CFAP54: variants seen among roughly 807,000 people sequenced by gnomAD.
CFAP54 encodes cilia- and flagella-associated protein 54.
A neutral mutation model predicts 370.4 loss-of-function variants in CFAP54; 290 were observed. The observed-to-expected ratio is 0.78, with a 90% CI of 0.71 to 0.86. The LOEUF is 0.86. Ranked by LOEUF, CFAP54 falls within the 40% of genes least tolerant of loss-of-function variation. The pLI is 0.00. For missense variants in CFAP54, 3,399 were observed against 3,528.7 expected (o/e 0.96, Z 0.93); for synonymous variants, 1,206 against 1,236.5 (o/e 0.98, Z 0.52).
At chr12:96,599,375 A>C (rs1362242430) in intron 26 of CFAP54, among the ~76,000 whole-genome samples, 1 of 152,164 alleles carries the variant, frequency 6.6e-6, no homozygotes, top group African/African-American at 2.4e-5. Context: ...TCCATGGTGT[A>C]TATGTGCCAC....
At chr12:96,638,619 T>C (rs1404870551) in intron 32 of CFAP54, among the ~76,000 whole-genome samples, 1 of 152,196 alleles carries the variant, frequency 6.6e-6, no homozygotes, top group African/African-American at 2.4e-5. Context: ...AATTTCTGCT[T>C]CTTGTGAATA....
At chr12:96,615,013 T>G (rs1190642207) in intron 26 of CFAP54, among the ~76,000 whole-genome samples, 1 of 152,130 alleles carries the variant, frequency 6.6e-6, no homozygotes, top group Non-Finnish European at 1.5e-5. Flanking sequence ...AAAAACTACT[T>G]TAAAGTTCAT....
At chr12:96,760,132 C>A (rs1277304547) in intron 58 of CFAP54, among the ~76,000 whole-genome samples, 1 of 152,060 alleles carries the variant, frequency 6.6e-6, no homozygotes, top group Non-Finnish European at 1.5e-5. Context: ...AGAAGTGGGG[C>A]AAAGTAGGGA....
intron 66 of CFAP54, among the ~76,000 whole-genome samples, chr12:96,840,627 T>TC (rs1959207348): frequency 1.7e-5 from 1 of 59,906 alleles, no homozygotes; most frequent in African/African-American, 4.5e-5. Flanking sequence ...TGTTTCTTTC[T>TC]TTTTTTTTTT....
At chr12:96,606,669 A>T (rs1956304400) in intron 26 of CFAP54, among the ~76,000 whole-genome samples, 4 of 152,186 alleles carry the variant, frequency 2.6e-5, no homozygotes, top group Admixed American at 2.6e-4. Context: ...AGATTATAGT[A>T]GCCTGAGCGG....
At chr12:96,729,584 G>A (rs11108656) in intron 50 of CFAP54, among the ~76,000 whole-genome samples, 14,328 of 152,166 alleles carry the variant, frequency 0.094, 1,208 homozygotes, top group East Asian at 0.44. Context: ...TCCAGGTGCC[G>A]TCTGTCACCC....
At chr12:96,726,629 C>G (rs1957842820) in intron 50 of CFAP54, among the ~76,000 whole-genome samples, 1 of 151,722 alleles carries the variant, frequency 6.6e-6, no homozygotes, top group African/African-American at 2.4e-5. Context: ...AAAACCAGCT[C>G]CTGGATTCAT....
intron 15 of CFAP54, among the ~76,000 whole-genome samples, chr12:96,551,718 T>A (rs1955697032): frequency 1.3e-5 from 2 of 152,158 alleles, no homozygotes; most frequent in South Asian, 4.1e-4. Context: ...AACCATCCTT[T>A]AAAAAAATAA....
At chr12:96,831,497 T>C (rs1054830596) in intron 66 of CFAP54, among the ~76,000 whole-genome samples, 2 of 152,220 alleles carry the variant, frequency 1.3e-5, no homozygotes, top group African/African-American at 2.4e-5. Flanking sequence ...TGGCAGAGAC[T>C]GTATGGCCTA....
intron 4 of CFAP54, among the ~76,000 whole-genome samples, chr12:96,508,402 C>T (rs557842377): frequency 4.6e-5 from 7 of 151,512 alleles, no homozygotes; most frequent in Non-Finnish European, 1.0e-4. Context: ...TCTCCTGCCT[C>T]AGCCTCCCGA....
At chr12:96,516,341 T>A (rs1955235552) in intron 5 of CFAP54, among the ~76,000 whole-genome samples, 1 of 152,176 alleles carries the variant, frequency 6.6e-6, no homozygotes, top group African/African-American at 2.4e-5. Context: ...ATTAGAATAA[T>A]GCATGTCTGT....
At chr12:96,612,417 C>G (rs1956368308) in intron 26 of CFAP54, among the ~76,000 whole-genome samples, 1 of 152,152 alleles carries the variant, frequency 6.6e-6, no homozygotes, top group African/African-American at 2.4e-5. Flanking sequence ...ACAACCAGTA[C>G]CAGCCACTGC....
chr12:96,621,242 T>C (rs1323115491), intron 26 of CFAP54, among the ~76,000 whole-genome samples: 1 of 152,234 alleles, frequency 6.6e-6, no homozygotes, highest in Non-Finnish European at 1.5e-5. Flanking sequence ...TGATGTGGCC[T>C]TTACAAATGA....
intron 22 of CFAP54, among the ~76,000 whole-genome samples, chr12:96,584,684 T>C (rs1172742131): frequency 6.6e-6 from 1 of 152,156 alleles, no homozygotes; most frequent in Non-Finnish European, 1.5e-5. Flanking sequence ...AATACTTGTT[T>C]AGATAATTCT....
intron 31 of CFAP54, 140 bp from the exon 32 acceptor site, chr12:96,630,411 C>T (rs9919792): frequency 0.45 from 272,222 of 600,824 alleles, 64,365 homozygotes; most frequent in African/African-American, 0.58. Context: ...GGTACTTCTG[C>T]TGCCTTTGAT....
Position 96,663,928 on chromosome 12 carries a change from T to C in CFAP54, c.5559T>C (p.Ser1853=). ...NCTDLLKMLI[S]SEYSRAKALV... ...CAGATTTGCTAAAAATGCTTATCTC[T>C]TCAGGTCAGAACCAATCTTAGCTTG... The change falls in exon 39 of 68, where the codon TCT becomes TCC. Residue 1853 remains serine (S), a synonymous_variant. Transcript: ENST00000524981. 1 of 1,608,550 alleles carries C rather than the reference T, an allele frequency of 6.2e-7. No homozygotes were observed. The highest frequency in any genetic ancestry group is 8.5e-7 in the Non-Finnish European group (1 of 1,175,588).
intron 39 of CFAP54, among the ~76,000 whole-genome samples, chr12:96,668,791 T>C (rs1001251382): frequency 6.6e-6 from 1 of 152,244 alleles, no homozygotes; most frequent in Non-Finnish European, 1.5e-5. Flanking sequence ...CAAAAAGCCA[T>C]GTAAGTCTTC....
chr12:96,690,147 G>A (rs1480279152), intron 43 of CFAP54, among the ~76,000 whole-genome samples: 4 of 152,190 alleles, frequency 2.6e-5, no homozygotes, highest in African/African-American at 9.7e-5. Context: ...TCTGCTTAAT[G>A]TGGACAATAT....
At chr12:96,518,128 A>G (rs1955260469) in intron 5 of CFAP54, among the ~76,000 whole-genome samples, 2 of 152,216 alleles carry the variant, frequency 1.3e-5, no homozygotes, top group South Asian at 4.1e-4. Context: ...ATTGAGGCGT[A>G]AAGAGGTAAA....
Sources: gnomAD v4.1 joint callset for allele counts (sites outside exome capture counted in the v4.1 genomes callset) on GRCh38, gnomAD v4.1.1 for gene constraint, MANE v1.5 for transcripts, NCBI Gene and HGNC (gene_info 2026-07-23, HGNC 2026-07-21) for gene names.